Variants in KMT5A observed in about 807,000 individuals in gnomAD.
KMT5A encodes N-lysine methyltransferase KMT5A.
In KMT5A, 6 loss-of-function variants were observed where a neutral mutation model predicts 40.6. That is an observed-to-expected ratio of 0.15 (90% CI 0.08 to 0.29). The LOEUF (loss-of-function observed/expected upper bound fraction) is 0.29. Ranked by LOEUF, KMT5A falls within the 10% of genes least tolerant of loss-of-function variation. The pLI, the probability that KMT5A is intolerant of heterozygous loss-of-function variation, is 1.00. For synonymous variants in KMT5A, 153 were observed against 178.8 expected (o/e 0.86, Z 1.15); for missense variants, 308 against 459.1 (o/e 0.67, Z 3.01).
intron 3 of KMT5A, 35 bp downstream of exon 3, chr12:123,390,821 C>G: frequency 1.2e-6 from 2 of 1,608,070 alleles, no homozygotes; most frequent in South Asian, 1.1e-5. Flanking sequence ...CTGATCCCAG[C>G]TGGTCGGGTT....
At chr12:123,392,477 G>A (rs1566074958) in intron 3 of KMT5A, among the ~76,000 whole-genome samples, 1 of 151,860 alleles carries the variant, frequency 6.6e-6, no homozygotes, top group Non-Finnish European at 1.5e-5. Flanking sequence ...GGGCAACATA[G>A]TGAGGCCTCA....
intron 3 of KMT5A, 149 bp downstream of exon 3, chr12:123,390,935 A>T (rs1185885807): frequency 1.1e-6 from 1 of 944,324 alleles, no homozygotes; most frequent in Non-Finnish European, 1.6e-6. Flanking sequence ...CTGCTGAAAG[A>T]ATGGCTTGTC....
In KMT5A at chr12:123,389,733, A is replaced by G. The variant is rs893044855; in HGVS notation, c.132+179A>G. 2.4e-4 allele frequency among the ~76,000 whole-genome samples: 36 copies of G among 152,028 alleles called. No individual in the cohort carries two copies. In the East Asian group the frequency reaches 7.1e-3, roughly 30 times the overall value. On this transcript the variant is annotated intron_variant, in intron 2 of 7. Transcript: ENST00000402868. Reference sequence around the variant, plus strand: ...GAGCCTGGCGGTGTTTGACCTCGGAAAAGTTTGACTGCGCCTTCGTGGCGT... The same window carrying G: ...GAGCCTGGCGGTGTTTGACCTCGGAGAAGTTTGACTGCGCCTTCGTGGCGT...
intron 2 of KMT5A, chr12:123,389,929 TACTC>T (rs1469496113): frequency 7.5e-6 from 3 of 397,894 alleles, no homozygotes; most frequent in South Asian, 1.8e-5. Context: ...CGTCTGTACT[TACTC>T]AGAGGAGGGG....
chr12:123,396,255 G>A, intron 4 of KMT5A, 90 bp from the exon 5 acceptor site: 2 of 1,193,612 alleles, frequency 1.7e-6, no homozygotes, highest in East Asian at 4.7e-5. Flanking sequence ...AAGGAGCTGT[G>A]TGCCTCCTCG....
chr12:123,385,070 T>C (rs576427091), intron 1 of KMT5A, among the ~76,000 whole-genome samples: 1 of 152,308 alleles, frequency 6.6e-6, no homozygotes, highest in South Asian at 2.1e-4. Flanking sequence ...ATTATATTTT[T>C]CTCAAAATTT....
chr12:123,401,070 C>T (rs1195327951), intron 5 of KMT5A, among the ~76,000 whole-genome samples: 2 of 151,224 alleles, frequency 1.3e-5, no homozygotes, highest in African/African-American at 2.4e-5. Context: ...GCTGGGATTA[C>T]AGGCATGAGC....
intron 7 of KMT5A, among the ~76,000 whole-genome samples, 200 bp downstream of exon 7, chr12:123,405,274 A>C (rs925052186): frequency 6.7e-6 from 1 of 149,414 alleles, no homozygotes; most frequent in Non-Finnish European, 1.5e-5. Flanking sequence ...GCTCATTGCA[A>C]CCTCCTCTCA....
intron 2 of KMT5A, among the ~76,000 whole-genome samples, 162 bp from the exon 3 acceptor site, chr12:123,390,468 C>T (rs561567780): frequency 6.6e-6 from 1 of 152,320 alleles, no homozygotes; most frequent in South Asian, 2.1e-4. Flanking sequence ...GATTCTAAAC[C>T]TGCCAGTGCT....
chr12:123,406,542 G>A (rs1271440146), intron 7 of KMT5A, among the ~76,000 whole-genome samples: 1 of 151,966 alleles, frequency 6.6e-6, no homozygotes, highest in Non-Finnish European at 1.5e-5. Flanking sequence ...TTGAAATCCT[G>A]ACCTCAGGTA....
rs143898213 is a variant in KMT5A, at chr12:123,395,047, A to G, written c.290A>G (p.Glu97Gly). The G allele has an allele frequency of 1.6e-5, 25 of 1,563,326 alleles. No individual in the cohort carries two copies. In the African/African-American group the frequency reaches 3.0e-4, roughly 19 times the overall value. Residue 97 changes from glutamate (E) to glycine (G), a missense_variant and splice_region_variant, in exon 4 of 8, where the codon GAG becomes GGG. By Grantham distance (98) the Glu-to-Gly change is moderately conservative. This residue lies in a region of KMT5A where 127 missense variants were observed against 129.8 expected (regional missense o/e 0.98). Coordinates refer to ENST00000402868, the MANE Select transcript of KMT5A (RefSeq NM_020382.7). Reference protein sequence around the residue: ...PLAGIYRKREEKRNAGNAVRS... With the variant: ...PLAGIYRKREGKRNAGNAVRS... The stretch of plus-strand genomic sequence containing the variant: ...GTCTTTCCCCCACCTCCGCCTGCAG[A>G]GAAAAGAAATGCTGGGAACGCAGTA...
At chr12:123,394,494 C>T (rs1877547673) in intron 3 of KMT5A, among the ~76,000 whole-genome samples, 1 of 152,164 alleles carries the variant, frequency 6.6e-6, no homozygotes, top group Non-Finnish European at 1.5e-5. Context: ...AGTGACAGAT[C>T]ATTGCAGTGT....
At chr12:123,392,697 G>C (rs914409097) in intron 3 of KMT5A, among the ~76,000 whole-genome samples, 7 of 152,010 alleles carry the variant, frequency 4.6e-5, no homozygotes, top group African/African-American at 1.7e-4. Flanking sequence ...AGGTCAGCTG[G>C]ACTTTGGAGA....
rs534423531 is a variant in KMT5A at position 123,403,735 on chromosome 12, A to G, written c.657+103A>G. The G allele has an allele frequency of 1.0e-4, 135 of 1,290,492 alleles. 2 individuals carry two copies. In the South Asian group the frequency reaches 1.6e-3, roughly 15 times the overall value. The allele number at this position is 1,290,492 out of a possible 1,614,324, so 79.9% of individuals were successfully genotyped here. ...GCCACCATGTGGCTTTCACCCTCTA[A>G]TGGCCATGGTGACCAGGCAGACTCT... On this transcript the variant is annotated intron_variant, in intron 6 of 7. Transcript: ENST00000402868.
intron 2 of KMT5A, 62 bp downstream of exon 2, chr12:123,389,616 TG>T (rs1877123727): frequency 9.7e-7 from 1 of 1,035,618 alleles, no homozygotes; most frequent in Non-Finnish European, 1.2e-6. Flanking sequence ...CGCGAGCACA[TG>T]GGCGACCCCG....
At chr12:123,400,261 T>C (rs1361218740) in intron 5 of KMT5A, among the ~76,000 whole-genome samples, 1 of 118,912 alleles carries the variant, frequency 8.4e-6, no homozygotes, top group African/African-American at 3.4e-5. Flanking sequence ...GGTCTCGATC[T>C]CCTGACCTTG....
At position 123,384,589 on chromosome 12, in the gene KMT5A, G is replaced by A. The variant is rs746831779; in HGVS notation, c.10+381G>A. On this transcript the variant is annotated intron_variant, in intron 1 of 7. Coordinates refer to ENST00000402868, the MANE Select transcript of KMT5A (RefSeq NM_020382.7). This position sits in a 1 kb window ranked among gnomAD's most constrained non-coding sequence, Gnocchi z 5.7. ...AGGAGTGAGGCTTCGCCCACTTTGG[G>A]GCCCTCTCTCTTTGGGAAAGGAGGT... is the stretch of plus-strand genomic sequence containing the variant. 1.1e-4 allele frequency among the ~76,000 whole-genome samples: 16 copies of A among 152,262 alleles called. No homozygotes were observed. The highest frequency in any genetic ancestry group is 2.1e-4 in the Non-Finnish European group (14 of 68,042).
At chr12:123,401,939 G>A (rs1041442821) in intron 5 of KMT5A, among the ~76,000 whole-genome samples, 1 of 152,154 alleles carries the variant, frequency 6.6e-6, no homozygotes, top group African/African-American at 2.4e-5. Flanking sequence ...CAGGAGTGCA[G>A]TGTCACAGTC....
intron 5 of KMT5A, among the ~76,000 whole-genome samples, chr12:123,400,250 T>C (rs569943466): frequency 1.2e-4 from 17 of 140,556 alleles, no homozygotes; most frequent in Admixed American, 1.1e-3. Flanking sequence ...TTAGCCAGGA[T>C]GGTCTCGATC....
Sources: gnomAD v4.1 joint callset for allele counts (sites outside exome capture counted in the v4.1 genomes callset) on GRCh38, gnomAD v4.1.1 for gene constraint, gnomAD v4.1.1 regional missense constraint, Gnocchi (gnomAD v3.1) non-coding constraint, MANE v1.5 for transcripts, NCBI Gene and HGNC (gene_info 2026-07-23, HGNC 2026-07-21) for gene names.